The following CALB2 variants were observed in gnomAD, a reference collection of about 807,000 sequenced individuals.
CALB2 encodes the protein calbindin 2.
In CALB2, 34 loss-of-function variants were observed where a neutral mutation model predicts 45.9. The observed-to-expected ratio is 0.74, with a 90% CI of 0.56 to 0.99. CALB2 has a LOEUF of 0.99. Among genes scored for constraint, CALB2 ranks in the 50% least tolerant of loss-of-function variants. The probability of loss-of-function intolerance (pLI) is 0.00; values close to 1 mark genes in which losing one functional copy is unlikely to be tolerated. For synonymous variants in CALB2, 142 were observed against 129.6 expected (o/e 1.10, Z -0.65); for missense variants, 344 against 339.3 (o/e 1.01, Z -0.11).
intron 3 of CALB2, among the ~76,000 whole-genome samples, chr16:71,375,716 G>C (rs1282169708): frequency 6.6e-6 from 1 of 152,220 alleles, no homozygotes; most frequent in Non-Finnish European, 1.5e-5. Flanking sequence ...GAAAAGGCAG[G>C]GGATAGTGCT....
At chr16:71,368,496 G>C (rs561666297) in intron 1 of CALB2, among the ~76,000 whole-genome samples, 1 of 150,022 alleles carries the variant, frequency 6.7e-6, no homozygotes, top group South Asian at 2.1e-4. Context: ...TGACAGAGCA[G>C]ACCCTGTCTA....
intron 10 of CALB2, among the ~76,000 whole-genome samples, chr16:71,386,208 G>A (rs745621960): frequency 3.3e-5 from 5 of 152,176 alleles, no homozygotes; most frequent in African/African-American, 9.7e-5. Flanking sequence ...ATGCTGCATC[G>A]TATAAATATA....
chr16:71,383,701 G>C (rs2042528029), intron 6 of CALB2, among the ~76,000 whole-genome samples: 1 of 152,176 alleles, frequency 6.6e-6, no homozygotes, highest in African/African-American at 2.4e-5. Flanking sequence ...GGATGATCTT[G>C]GAGAGAGTGG....
chr16:71,385,653 G>C lies in CALB2; in HGVS notation c.699+5G>C. On this transcript the variant is annotated splice_donor_5th_base_variant and intron_variant, in intron 10 of 10. Coordinates refer to ENST00000302628, the MANE Select transcript of CALB2 (RefSeq NM_001740.5). ...CTGTACGAGAAAAACAAAAAGGTGA[G>C]CAGCCAAGCCTGAGGCCCGGCCACT... 1 of 1,613,400 alleles carries C rather than the reference G, an allele frequency of 6.2e-7. No individual in the cohort carries two copies. The highest frequency in any genetic ancestry group is 8.5e-7 in the Non-Finnish European group (1 of 1,179,752).
intron 5 of CALB2, 45 bp from the exon 6 acceptor site, chr16:71,383,322 C>A (rs370989254): frequency 1.2e-4 from 188 of 1,538,060 alleles, no homozygotes; most frequent in Non-Finnish European, 1.5e-4. Context: ...AATGAGGGAC[C>A]GAATGCACGA....
chr16:71,387,928 G>C (rs921743308), intron 10 of CALB2, among the ~76,000 whole-genome samples: 1 of 152,118 alleles, frequency 6.6e-6, no homozygotes, highest in Non-Finnish European at 1.5e-5. Context: ...CATAAAAAGA[G>C]AAGCCCCGGC....
intron 10 of CALB2, among the ~76,000 whole-genome samples, chr16:71,385,920 T>C (rs536804803): frequency 3.0e-4 from 45 of 152,334 alleles, no homozygotes; most frequent in Non-Finnish European, 5.3e-4. Context: ...TCCAGTGGCA[T>C]TGAACATATT....
intron 4 of CALB2, among the ~76,000 whole-genome samples, chr16:71,382,155 A>AGAAGGAAGGAAGGAAGGAAGGAAG (rs1555526542): frequency 0.017 from 2,455 of 144,474 alleles, 88 homozygotes; most frequent in African/African-American, 0.061. Context: ...AAGGAAGGAA[A>AGAAGGAAGGAAGGAAGGAAGGAAG]GAAAATAAAG....
chr16:71,384,473 C>G, intron 8 of CALB2, 95 bp downstream of exon 8: 1 of 919,888 alleles, frequency 1.1e-6, no homozygotes. Flanking sequence ...CAACACACTA[C>G]ACACACCCAC....
At chr16:71,375,491 G>A (rs2042399814) in intron 3 of CALB2, among the ~76,000 whole-genome samples, 1 of 152,102 alleles carries the variant, frequency 6.6e-6, no homozygotes, top group African/African-American at 2.4e-5. Context: ...GATCCTTGAG[G>A]TCAGGAGTTT....
intron 5 of CALB2, among the ~76,000 whole-genome samples, chr16:71,383,157 T>C (rs1335719054): frequency 6.6e-6 from 1 of 152,164 alleles, no homozygotes; most frequent in Non-Finnish European, 1.5e-5. Flanking sequence ...TAGCGCCTAT[T>C]CTGTGAGGCA....
At chr16:71,361,323 A>G (rs1223929413) in intron 1 of CALB2, among the ~76,000 whole-genome samples, 1 of 152,198 alleles carries the variant, frequency 6.6e-6, no homozygotes, top group African/African-American at 2.4e-5. Context: ...GGAATTCCAC[A>G]AAAGGATCCA....
At chr16:71,368,922 A>G (rs2144961630) in intron 1 of CALB2, among the ~76,000 whole-genome samples, 1 of 152,230 alleles carries the variant, frequency 6.6e-6, no homozygotes, top group Non-Finnish European at 1.5e-5. Context: ...ACCTTTCTAG[A>G]AAAAAAGATG....
intron 1 of CALB2, among the ~76,000 whole-genome samples, chr16:71,370,379 T>A (rs1047740146): frequency 6.6e-6 from 1 of 152,156 alleles, no homozygotes; most frequent in African/African-American, 2.4e-5. Context: ...GAGTTGAATC[T>A]CCTCTACGGG....
intron 1 of CALB2, among the ~76,000 whole-genome samples, chr16:71,370,916 G>A (rs2042343333): frequency 6.6e-6 from 1 of 152,144 alleles, no homozygotes; most frequent in Admixed American, 6.6e-5. Context: ...AGGCGTGAGA[G>A]CCTAAAGGAC....
At position 71,389,180 on chromosome 16, in the gene CALB2, T is replaced by A. The variant is rs1224810697; in HGVS notation, c.700-569T>A. 2.2e-5 allele frequency among the ~76,000 whole-genome samples: 3 copies of A among 136,428 alleles called. No individual in the cohort carries two copies. The East Asian group carries it at 7.4e-4, about 33-fold the overall frequency. 89.5% of individuals were successfully genotyped at this position (136,428 alleles called of 152,430 possible). On this transcript the variant is annotated intron_variant, in intron 10 of 10. Transcript: ENST00000302628. ...TCCCGTCTAGGCCACAGAGCAAGAC[T>A]CCGCCTCAAAATAAAAAAAATAAAA...
chr16:71,380,786 A>G (rs2042482201), intron 4 of CALB2, among the ~76,000 whole-genome samples: 1 of 152,202 alleles, frequency 6.6e-6, no homozygotes, highest in Non-Finnish European at 1.5e-5. Context: ...ATGGTCCCTC[A>G]GTAGCCCTGA....
At chr16:71,372,367 A>C in intron 2 of CALB2, 138 bp downstream of exon 2, 1 of 616,480 alleles carries the variant, frequency 1.6e-6, no homozygotes, top group Non-Finnish European at 2.8e-6. Flanking sequence ...AAGGATAAAA[A>C]ATAGACTGTC....
chr16:71,384,348 T>A lies in CALB2; in HGVS notation c.543T>A (p.Pro181=). 1.2e-6 allele frequency: 2 copies of A among 1,613,340 alleles called. No homozygotes were observed. Among genetic ancestry groups the A allele is most frequent in the South Asian group, 2.2e-5 (2 of 91,074 alleles). The part of the protein sequence containing the change: ...LGLSEMSRLL[P]VQENFLLKFQ... Reference sequence around the variant, plus strand: ...AACATTTTCTCCCCAGACTCCTGCCTGTCCAGGAAAACTTCCTGCTTAAAT... The same window carrying A: ...AACATTTTCTCCCCAGACTCCTGCCAGTCCAGGAAAACTTCCTGCTTAAAT... The change falls in exon 8 of 11, where the codon CCT becomes CCA. Residue 181 remains proline, a synonymous_variant. Coordinates refer to ENST00000302628, the MANE Select transcript of CALB2 (RefSeq NM_001740.5).
Sources: allele counts gnomAD v4.1 joint callset (sites outside exome capture counted in the v4.1 genomes callset), GRCh38; gene constraint gnomAD v4.1.1; transcripts MANE v1.5; gene names NCBI Gene and HGNC (gene_info 2026-07-23, HGNC 2026-07-21).